LARGE1: variants seen among roughly 807,000 people sequenced by gnomAD.
LARGE1 encodes the protein LARGE xylosyl- and glucuronyltransferase 1, also known as xylosyl- and glucuronyltransferase LARGE1.
A neutral mutation model predicts 87.6 loss-of-function variants in LARGE1; 43 were observed. That is an observed-to-expected ratio of 0.49 (90% CI 0.38 to 0.63). LARGE1 has a LOEUF of 0.63. Among genes scored for constraint, LARGE1 ranks in the 30% least tolerant of loss-of-function variants. The pLI is 0.00. For missense variants in LARGE1, 802 were observed against 1,000.2 expected (o/e 0.80, Z 2.67); for synonymous variants, 434 against 394.6 (o/e 1.10, Z -1.18).
Position 33,399,641 on chromosome 22 carries a change from C to T in LARGE1, c.893-15337G>A, listed in dbSNP as rs148881111. Among the ~76,000 whole-genome samples, 1,145 of 152,240 alleles carry T rather than the reference C, an allele frequency of 7.5e-3. 17 individuals are homozygous for T. Among genetic ancestry groups the T allele is most frequent in the African/African-American group, 0.025 (1,045 of 41,530 alleles). The stretch of plus-strand genomic sequence containing the variant: ...TCGGCTCACTGCAAGCTCCACCTCC[C>T]GGGTTCACACCATTCTCCTGCCTCA... On this transcript the variant is annotated intron_variant, in intron 7 of 14. Coordinates refer to ENST00000397394, the MANE Select transcript of LARGE1 (RefSeq NM_133642.5).
intron 2 of LARGE1, among the ~76,000 whole-genome samples, chr22:33,666,786 T>C (rs1393420644): frequency 6.6e-6 from 1 of 152,178 alleles, no homozygotes; most frequent in Non-Finnish European, 1.5e-5. Context: ...TGCTCATCAA[T>C]AGAATCTCCA....
chr22:33,152,128 T>C, the LARGE1 span, among the ~76,000 whole-genome samples: 4 of 152,236 alleles, frequency 2.6e-5, no homozygotes, highest in Admixed American at 2.6e-4. Flanking sequence ...ATTTACGCAT[T>C]CCTAGCTCTG....
chr22:33,568,843 GATGGATGGATGAATGC>G (rs1248127745), intron 5 of LARGE1, among the ~76,000 whole-genome samples: 1 of 151,230 alleles, frequency 6.6e-6, no homozygotes, highest in Non-Finnish European at 1.5e-5. Context: ...CAGATGGATG[GATGGATGGATGAATGC>G]ATGGATGGAT....
intron 9 of LARGE1, among the ~76,000 whole-genome samples, chr22:33,369,638 C>A (rs1020601597): frequency 6.6e-6 from 1 of 152,154 alleles, no homozygotes; most frequent in African/African-American, 2.4e-5. Context: ...GATCTAGGCT[C>A]ACTGCAACCT....
intron 11 of LARGE1, among the ~76,000 whole-genome samples, chr22:33,170,958 G>T (rs1373128144): frequency 6.6e-6 from 1 of 152,184 alleles, no homozygotes; most frequent in African/African-American, 2.4e-5. Context: ...TTGTTGGATG[G>T]TTTTGACCAA....
rs759809343 is a variant in LARGE1 at position 33,711,327 on chromosome 22, G to C, written c.106+50044C>G. ...TGAGATCCGAAGGTTAGAATGGATTGGTCTCTTTCAAGGGTTCTAACCCCT... is the reference window on the plus strand; with the variant it reads ...TGAGATCCGAAGGTTAGAATGGATTCGTCTCTTTCAAGGGTTCTAACCCCT... On this transcript the variant is annotated intron_variant, in intron 2 of 14. Transcript: ENST00000397394. Among the ~76,000 whole-genome samples, 110 of 152,192 alleles carry C rather than the reference G, an allele frequency of 7.2e-4. 2 individuals carry two copies. Among genetic ancestry groups the C allele is most frequent in the Middle Eastern group, 3.2e-3 (1 of 316 alleles).
chr22:33,096,566 G>GTTTTTTT, the LARGE1 span, among the ~76,000 whole-genome samples: 6 of 107,882 alleles, frequency 5.6e-5, no homozygotes, highest in Non-Finnish European at 1.1e-4. Context: ...TTTTGTTTTT[G>GTTTTTTT]TTTTTTTTTT....
At chr22:33,771,117 T>C (rs1052706145) in intron 1 of LARGE1, among the ~76,000 whole-genome samples, 1 of 151,904 alleles carries the variant, frequency 6.6e-6, no homozygotes, top group Non-Finnish European at 1.5e-5. Context: ...ACTGTCATCA[T>C]GATCCCCAAT....
chr22:33,297,745 C>T lies in LARGE1; in HGVS notation c.1730+6484G>A, dbSNP rs184484884. On this transcript the variant is annotated intron_variant, in intron 12 of 14. Coordinates refer to ENST00000397394, the MANE Select transcript of LARGE1 (RefSeq NM_133642.5). ...CTATAATCCCAGCACTTTGGGAGGC[C>T]GAGGTGGGCGGATCACCTGAGGTCA... Among the ~76,000 whole-genome samples the T allele has an allele frequency of 5.3e-3, 777 of 147,076 alleles. 7 individuals carry two copies. Among genetic ancestry groups the T allele is most frequent in the African/African-American group, 0.017 (686 of 39,844 alleles).
At chr22:33,230,001 G>GTTTTTTTTTTTTTTTT (rs1242273105) in intron 11 of LARGE1, among the ~76,000 whole-genome samples, 1 of 111,680 alleles carries the variant, frequency 9.0e-6, no homozygotes, top group African/African-American at 3.1e-5. Context: ...CATTTTCAAA[G>GTTTTTTTTTTTTTTTT]TTCTTTTTTT....
intron 4 of LARGE1, among the ~76,000 whole-genome samples, chr22:33,618,079 G>A (rs1413174600): frequency 3.3e-5 from 5 of 152,278 alleles, no homozygotes; most frequent in South Asian, 4.2e-4. Flanking sequence ...AAGAAAGCGC[G>A]TGTGACAGCA....
At chr22:33,334,301 C>A (rs565672140) in intron 10 of LARGE1, among the ~76,000 whole-genome samples, 1 of 150,656 alleles carries the variant, frequency 6.6e-6, no homozygotes, top group East Asian at 2.0e-4. Context: ...GTAGCCCTGG[C>A]TACTCAGGAA....
chr22:33,522,745 C>T lies in LARGE1; in HGVS notation c.787+42103G>A, dbSNP rs988232017. ...ACTTGGGAGGCTGAGGCAAGAGAAT[C>T]GCTTGAACCCAAGAGGTGGAGGTTG... On this transcript the variant is annotated intron_variant, in intron 6 of 14. Transcript: ENST00000397394. Among the ~76,000 whole-genome samples, 26 of 151,480 alleles carry T rather than the reference C, an allele frequency of 1.7e-4. 2 individuals are homozygous for T. The highest frequency in any genetic ancestry group is 1.5e-3 in the Admixed American group (23 of 15,184).
At chr22:33,621,887 G>A (rs897844647) in intron 4 of LARGE1, among the ~76,000 whole-genome samples, 1 of 152,178 alleles carries the variant, frequency 6.6e-6, no homozygotes, top group Non-Finnish European at 1.5e-5. Context: ...CCCTGAGAAT[G>A]ACCCTGTTTG....
At chr22:33,717,352 C>T (rs958085613) in intron 2 of LARGE1, among the ~76,000 whole-genome samples, 6 of 152,194 alleles carry the variant, frequency 3.9e-5, no homozygotes, top group Non-Finnish European at 7.3e-5. Flanking sequence ...CCAACATTTT[C>T]CATCAGGGGC....
the LARGE1 span, chr22:33,108,707 C>A: frequency 6.6e-6 from 1 of 152,194 alleles, no homozygotes; most frequent in African/African-American, 2.4e-5. Context: ...TCATTTACCT[C>A]CACATAGTAA....
chr22:33,540,158 A>G (rs934447237), intron 6 of LARGE1, among the ~76,000 whole-genome samples: 7 of 152,172 alleles, frequency 4.6e-5, no homozygotes, highest in Admixed American at 2.0e-4. Flanking sequence ...TTAAAAAGTA[A>G]CCACATTGCC....
At chr22:33,665,392 T>C (rs1211354663) in intron 2 of LARGE1, among the ~76,000 whole-genome samples, 14 of 152,106 alleles carry the variant, frequency 9.2e-5, no homozygotes. Context: ...CAGTAAGCAC[T>C]CAAAAGACAC....
chr22:33,759,656 C>T (rs753681092), intron 2 of LARGE1, among the ~76,000 whole-genome samples: 27 of 152,230 alleles, frequency 1.8e-4, no homozygotes, highest in Non-Finnish European at 3.4e-4. Flanking sequence ...CCTTGTTATA[C>T]CATTATTATT....
Sources: gnomAD v4.1 joint callset for allele counts (sites outside exome capture counted in the v4.1 genomes callset) on GRCh38, gnomAD v4.1.1 for gene constraint, MANE v1.5 for transcripts, NCBI Gene and HGNC (gene_info 2026-07-23, HGNC 2026-07-21) for gene names.